The following BMP7 variants were observed in gnomAD, a reference collection of about 807,000 sequenced individuals.
The protein encoded by BMP7 is bone morphogenetic protein 7.
In BMP7, 12 loss-of-function variants were observed where a neutral mutation model predicts 41.2. That is an observed-to-expected ratio of 0.29 (90% CI 0.19 to 0.47). The LOEUF (loss-of-function observed/expected upper bound fraction) is 0.47. Ranked by LOEUF, BMP7 falls within the 20% of genes least tolerant of loss-of-function variation. The pLI is 0.99. For missense variants in BMP7, 467 were observed against 606.0 expected (o/e 0.77, Z 2.41); for synonymous variants, 248 against 250.0 (o/e 0.99, Z 0.07).
In BMP7 at chr20:57,183,733, G is replaced by A; in HGVS notation, c.947C>T (p.Ala316Val). 2 of 1,614,008 alleles carry A rather than the reference G, an allele frequency of 1.2e-6. No homozygotes were observed. Among genetic ancestry groups the A allele is most frequent in the Non-Finnish European group, 1.7e-6 (2 of 1,180,044 alleles). Residue 316 changes from alanine (A) to valine (V), a missense_variant, in exon 4 of 7, where the codon GCC becomes GTC. Physicochemically the swap from Ala to Val is moderately conservative, Grantham distance 64 (BLOSUM62 0). Around this residue, in one of 2 missense-constraint regions of BMP7, gnomAD observed 407 missense variants for 485.9 expected, o/e 0.84. Coordinates refer to ENST00000395863, the MANE Select transcript of BMP7 (RefSeq NM_001719.3). ...TPKNQEALRM[A>V]NVAENSSSDQ... ...CCACCTAAGCATACCTGCCACGTTG[G>A]CCATCCGCAGGGCTTCCTGGTTCTT...
chr20:57,177,366 G>C (rs1600727574), intron 4 of BMP7, among the ~76,000 whole-genome samples: 2 of 141,488 alleles, frequency 1.4e-5, no homozygotes, highest in Non-Finnish European at 3.1e-5. Flanking sequence ...TTTTTTTTTT[G>C]AGACAGAGTC....
At chr20:57,196,801 C>A (rs1184865638) in intron 3 of BMP7, among the ~76,000 whole-genome samples, 2 of 152,138 alleles carry the variant, frequency 1.3e-5, no homozygotes, top group Non-Finnish European at 2.9e-5. Flanking sequence ...ACAGCCTGGG[C>A]AACGTAGCAA....
intron 1 of BMP7, among the ~76,000 whole-genome samples, chr20:57,263,502 C>T (rs2066161734): frequency 6.6e-6 from 1 of 152,344 alleles, no homozygotes; most frequent in South Asian, 2.1e-4. Context: ...CTAGCCCACA[C>T]TGCCGGCCCA....
rs2066034622 is a variant in BMP7 at position 57,232,937 on chromosome 20, C to T, written c.419-4516G>A. Among the ~76,000 whole-genome samples the T allele has an allele frequency of 2.0e-5, 3 of 150,936 alleles. No individual in the cohort carries two copies. In the South Asian group the frequency reaches 6.3e-4, roughly 32 times the overall value. The stretch of plus-strand genomic sequence containing the variant: ...ATAATTCAAAGTCCAAACCAACTTC[C>T]AAATCTCATCTTTCCAAGGTTTCCC... On this transcript the variant is annotated intron_variant, in intron 1 of 6. Transcript: ENST00000395863.
intron 4 of BMP7, among the ~76,000 whole-genome samples, chr20:57,176,419 A>G (rs1015270055): frequency 2.6e-5 from 4 of 152,098 alleles, no homozygotes; most frequent in African/African-American, 9.7e-5. Context: ...CCAAACCTCA[A>G]CCCATCCCAA....
At chr20:57,244,117 A>G (rs6127978) in intron 1 of BMP7, 29,308 of 152,220 alleles carry the variant, frequency 0.19, 2,993 homozygotes, top group Admixed American at 0.25. Context: ...GCCCAGAGTC[A>G]CACGCGAGCT....
chr20:57,192,945 G>T (rs560780614), intron 3 of BMP7, among the ~76,000 whole-genome samples: 1 of 152,116 alleles, frequency 6.6e-6, no homozygotes, highest in African/African-American at 2.4e-5. Flanking sequence ...GCTTTCCTGC[G>T]GTATAATAAC....
At chr20:57,175,056 A>G (rs1350858623) in intron 4 of BMP7, 49 bp from the exon 5 acceptor site, 1 of 1,549,902 alleles carries the variant, frequency 6.5e-7, no homozygotes, top group East Asian at 2.3e-5. Flanking sequence ...GGAGAAAGAA[A>G]CACACACACA....
In BMP7 at chr20:57,202,587, G is replaced by A. The variant is rs763025993; in HGVS notation, c.648C>T (p.Leu216=). Residue 216 remains leucine (L), a synonymous_variant, in exon 3 of 7, where the codon CTC becomes CTT. Transcript: ENST00000395863. ...CCAGCCAGCCCTCCTCCGAGGCCCA[G>A]AGGGTACGGCTGTCGAGCAGGAAGA... ...SDLFLLDSRT[L]WASEEGWLVF... The A allele has an allele frequency of 1.2e-6, 2 of 1,612,578 alleles. No homozygotes were observed. The highest frequency in any genetic ancestry group is 2.2e-5 in the South Asian group (2 of 91,088).
intron 6 of BMP7, among the ~76,000 whole-genome samples, chr20:57,172,763 C>T (rs1983840483): frequency 6.6e-6 from 1 of 152,196 alleles, no homozygotes; most frequent in Admixed American, 6.5e-5. Flanking sequence ...TGAAATGGCC[C>T]CATGGGTCCC....
chr20:57,240,285 C>T (rs1490903189), intron 1 of BMP7, among the ~76,000 whole-genome samples: 1 of 152,190 alleles, frequency 6.6e-6, no homozygotes, highest in East Asian at 1.9e-4. Context: ...GGAAAAAATG[C>T]CGTCAGGCTC....
Position 57,228,315 on chromosome 20 carries a change from C to T in BMP7, c.525G>A (p.Arg175=), listed in dbSNP as rs1218559541. ...EGEAVTAAEF[R]IYKDYIRERF... is the part of the protein sequence containing the mutation. ...GTTCCCGGATGTAGTCCTTGTAGAT[C>T]CGGAATTCGGCTGCCGTGACAGCTT... The change falls in exon 2 of 7, where the codon CGG becomes CGA. Residue 175 remains arginine (R), a synonymous_variant. Transcript: ENST00000395863. The surrounding 1 kb of genome is among the most constrained non-coding windows in gnomAD (Gnocchi z 4.5). 5.0e-6 allele frequency: 8 copies of T among 1,613,992 alleles called. No individual in the cohort carries two copies. Among genetic ancestry groups the T allele is most frequent in the Admixed American group, 1.7e-5 (1 of 60,002 alleles).
chr20:57,226,552 A>G (rs2066007134), intron 2 of BMP7, among the ~76,000 whole-genome samples: 3 of 152,238 alleles, frequency 2.0e-5, no homozygotes, highest in South Asian at 4.1e-4. Context: ...TGGAACAGTG[A>G]GGTGACTCAG....
rs1304092802 is a variant in BMP7, at chr20:57,214,326, G to A, written c.612-11703C>T. Among the ~76,000 whole-genome samples the A allele has an allele frequency of 6.6e-6, 1 of 152,162 alleles. No individual in the cohort carries two copies. The highest frequency in any genetic ancestry group is 1.5e-5 in the Non-Finnish European group (1 of 68,042). ...ACTCCCCCTGCCCCAGCAGCTTGCAGGGGCTGAGCAATTAACTTCCCTGCC... is the reference window on the plus strand; with the variant it reads ...ACTCCCCCTGCCCCAGCAGCTTGCAAGGGCTGAGCAATTAACTTCCCTGCC... On this transcript the variant is annotated intron_variant, in intron 2 of 6. Transcript: ENST00000395863. This position sits in a 1 kb window ranked among gnomAD's most constrained non-coding sequence, Gnocchi z 4.0.
intron 2 of BMP7, among the ~76,000 whole-genome samples, chr20:57,206,524 C>T (rs994257616): frequency 1.3e-5 from 2 of 152,180 alleles, no homozygotes; most frequent in African/African-American, 2.4e-5. Context: ...ATAAGAGACA[C>T]ATAGGAAGAT....
chr20:57,251,573 C>T (rs1344465936), intron 1 of BMP7, among the ~76,000 whole-genome samples: 2 of 152,222 alleles, frequency 1.3e-5, no homozygotes, highest in Admixed American at 1.3e-4. Context: ...CTCCAGTGAA[C>T]ATGGAGGGGG....
At chr20:57,208,066 T>G (rs1984784486) in intron 2 of BMP7, among the ~76,000 whole-genome samples, 1 of 151,922 alleles carries the variant, frequency 6.6e-6, no homozygotes, top group Admixed American at 6.5e-5. Flanking sequence ...CCTGACCTCA[T>G]GATCCACCCG....
intron 1 of BMP7, among the ~76,000 whole-genome samples, chr20:57,233,147 T>G (rs2066035317): frequency 6.6e-6 from 1 of 152,164 alleles, no homozygotes; most frequent in Non-Finnish European, 1.5e-5. Flanking sequence ...AGTTTTAAAC[T>G]AAATGTCTAG....
chr20:57,212,535 C>T (rs1246404890), intron 2 of BMP7, among the ~76,000 whole-genome samples: 4 of 152,060 alleles, frequency 2.6e-5, no homozygotes, highest in South Asian at 2.1e-4. Flanking sequence ...AACTGCAGGC[C>T]GGACATTCTG....
Sources: allele counts gnomAD v4.1 joint callset (sites outside exome capture counted in the v4.1 genomes callset), GRCh38; gene constraint gnomAD v4.1.1; regional missense constraint gnomAD v4.1.1; non-coding constraint Gnocchi (gnomAD v3.1); transcripts MANE v1.5; gene names NCBI Gene and HGNC (gene_info 2026-07-23, HGNC 2026-07-21).